The following AGTR1 variants were observed in gnomAD, a reference collection of about 807,000 sequenced individuals.
AGTR1 encodes the protein type-1 angiotensin II receptor.
In AGTR1, 16 loss-of-function variants were observed where a neutral mutation model predicts 19.4. The ratio of observed to expected loss-of-function variants is 0.82; its 90% CI spans 0.56 to 1.25. The LOEUF is 1.25. AGTR1 is among the 50% of genes most tolerant of loss of function. The pLI is 0.00. For synonymous variants in AGTR1, 153 were observed against 154.9 expected, an observed-to-expected ratio of 0.99 and a Z score of 0.09; for missense variants, 373 against 431.9, an observed-to-expected ratio of 0.86 and a Z score of 1.21.
chr3:148,719,243 G>A (rs1003421499), intron 2 of AGTR1, among the ~76,000 whole-genome samples: 3 of 151,968 alleles, frequency 2.0e-5, no homozygotes, highest in Admixed American at 6.6e-5. Flanking sequence ...CATTTTAAGG[G>A]GAAAAGTTAG....
intron 2 of AGTR1, among the ~76,000 whole-genome samples, chr3:148,710,795 C>A (rs771580772): frequency 3.3e-5 from 5 of 152,060 alleles, no homozygotes; most frequent in Non-Finnish European, 1.5e-5. Flanking sequence ...GGAGGTGGGG[C>A]CTGGTGGGAG....
intron 2 of AGTR1, among the ~76,000 whole-genome samples, chr3:148,728,526 A>G (rs1433648477): frequency 6.6e-6 from 1 of 152,244 alleles, no homozygotes; most frequent in African/African-American, 2.4e-5. Flanking sequence ...AAAATGCTCC[A>G]TCTTCCTTGT....
chr3:148,740,525 A>G (rs908917638), intron 2 of AGTR1, among the ~76,000 whole-genome samples: 1 of 152,208 alleles, frequency 6.6e-6, no homozygotes, highest in East Asian at 1.9e-4. Flanking sequence ...AAAGATTGTG[A>G]GAGGAAAGAA....
intron 1 of AGTR1, among the ~76,000 whole-genome samples, chr3:148,704,861 A>G (rs1712578048): frequency 6.6e-6 from 1 of 152,210 alleles, no homozygotes; most frequent in Non-Finnish European, 1.5e-5. Context: ...GGTATTGAGA[A>G]AATTTGTAGG....
chr3:148,699,141 G>A (rs1048510300), intron 1 of AGTR1, among the ~76,000 whole-genome samples: 1 of 152,096 alleles, frequency 6.6e-6, no homozygotes, highest in Non-Finnish European at 1.5e-5. Context: ...GATCAGATTT[G>A]GGACTTGGCT....
At chr3:148,732,488 A>AT (rs1431880182) in intron 2 of AGTR1, among the ~76,000 whole-genome samples, 2 of 152,044 alleles carry the variant, frequency 1.3e-5, no homozygotes, top group Admixed American at 1.3e-4. Context: ...TAAACAGTAA[A>AT]TTTTTTTCAC....
chr3:148,709,076 C>T (rs1712833267), intron 2 of AGTR1, among the ~76,000 whole-genome samples: 1 of 152,054 alleles, frequency 6.6e-6, no homozygotes, highest in Non-Finnish European at 1.5e-5. Context: ...TTACAGAGTT[C>T]TGTCAATGGA....
chr3:148,725,916 T>C (rs1202846494), intron 2 of AGTR1, among the ~76,000 whole-genome samples: 1 of 152,246 alleles, frequency 6.6e-6, no homozygotes, highest in Non-Finnish European at 1.5e-5. Context: ...TATATATCTC[T>C]TGGTCTATAA....
In AGTR1 at chr3:148,717,682, C is replaced by G. The variant is rs567368270; in HGVS notation, c.-48+9655C>G. Among the ~76,000 whole-genome samples the G allele has an allele frequency of 2.6e-5, 4 of 152,268 alleles. No individual in the cohort carries two copies. In the South Asian group the frequency reaches 8.3e-4, roughly 32 times the overall value. On this transcript the variant is annotated intron_variant, in intron 2 of 2. Coordinates refer to ENST00000349243, the MANE Select transcript of AGTR1 (RefSeq NM_000685.5). ...GAATAAAGCAGATATTTTAATGTCT[C>G]ATTTCAGTGAGGAAAATTGTTAATT...
At chr3:148,725,477 A>G (rs1344398679) in intron 2 of AGTR1, among the ~76,000 whole-genome samples, 1 of 152,212 alleles carries the variant, frequency 6.6e-6, no homozygotes, top group Non-Finnish European at 1.5e-5. Flanking sequence ...GTAAAATTTT[A>G]TGACGCAATT....
chr3:148,712,584 A>C (rs1361944088), intron 2 of AGTR1, among the ~76,000 whole-genome samples: 1 of 152,204 alleles, frequency 6.6e-6, no homozygotes, highest in African/African-American at 2.4e-5. Flanking sequence ...AGGAAAAATA[A>C]GATGGGCAGT....
intron 2 of AGTR1, among the ~76,000 whole-genome samples, chr3:148,727,536 T>C (rs892046686): frequency 6.6e-6 from 1 of 152,184 alleles, no homozygotes; most frequent in African/African-American, 2.4e-5. Flanking sequence ...ATCAATCTCT[T>C]GAAACCCTAA....
At chr3:148,740,332 AAAGAGTAAGTAGTT>A (rs1336330310) in intron 2 of AGTR1, among the ~76,000 whole-genome samples, 4 of 152,230 alleles carry the variant, frequency 2.6e-5, no homozygotes, top group Non-Finnish European at 5.9e-5. Context: ...ATTGGAAGTT[AAAGAGTAAGTAGTT>A]ACTGACTGCA....
intron 2 of AGTR1, among the ~76,000 whole-genome samples, chr3:148,740,187 C>T (rs143730346): frequency 4.7e-4 from 71 of 152,330 alleles, no homozygotes; most frequent in African/African-American, 1.7e-3. Flanking sequence ...TCAGTAAAGA[C>T]ATGCTTTCTT....
intron 2 of AGTR1, among the ~76,000 whole-genome samples, chr3:148,728,248 C>A (rs1465940793): frequency 2.6e-5 from 4 of 152,128 alleles, no homozygotes; most frequent in Non-Finnish European, 4.4e-5. Flanking sequence ...ATAATGATGC[C>A]TTCCCTCATA....
At chr3:148,705,969 A>G (rs569452607) in intron 1 of AGTR1, among the ~76,000 whole-genome samples, 1 of 152,080 alleles carries the variant, frequency 6.6e-6, no homozygotes, top group East Asian at 1.9e-4. Context: ...TGGAGCCAAT[A>G]AGAAAAATTA....
intron 2 of AGTR1, among the ~76,000 whole-genome samples, chr3:148,738,157 G>C (rs921628179): frequency 3.3e-5 from 5 of 152,054 alleles, no homozygotes; most frequent in Non-Finnish European, 5.9e-5. Flanking sequence ...CGAGTCAAGA[G>C]GAGAGAGAAG....
In AGTR1 at chr3:148,720,053, T is replaced by C. The variant is rs1713542920; in HGVS notation, c.-48+12026T>C. 2.6e-5 allele frequency among the ~76,000 whole-genome samples: 4 copies of C among 152,338 alleles called. No individual in the cohort carries two copies. In the South Asian group the frequency reaches 8.3e-4, roughly 32 times the overall value. ...GTTGATCTCACATTTTAAAAATAGA[T>C]TCAGTGTCATCTCTTTATCTTGAAA... On this transcript the variant is annotated intron_variant, in intron 2 of 2. Coordinates refer to ENST00000349243, the MANE Select transcript of AGTR1 (RefSeq NM_000685.5).
At chr3:148,736,017 A>AT (rs34070704) in intron 2 of AGTR1, among the ~76,000 whole-genome samples, 18 of 151,760 alleles carry the variant, frequency 1.2e-4, no homozygotes, top group Middle Eastern at 3.4e-3. Context: ...ACTATGGGGA[A>AT]TTTTTTTTTC....
Sources: allele counts gnomAD v4.1 joint callset (sites outside exome capture counted in the v4.1 genomes callset), GRCh38; gene constraint gnomAD v4.1.1; transcripts MANE v1.5; gene names NCBI Gene and HGNC (gene_info 2026-07-23, HGNC 2026-07-21).